Variants in PDE1C observed in about 807,000 individuals in gnomAD.
PDE1C encodes phosphodiesterase 1C.
In PDE1C, 62 loss-of-function variants were observed where a neutral mutation model predicts 93.1. That is an observed-to-expected ratio of 0.67 (90% CI 0.54 to 0.82). The LOEUF (loss-of-function observed/expected upper bound fraction) is 0.82, where lower values mean the gene tolerates loss of function less well. Among genes scored for constraint, PDE1C ranks in the 40% least tolerant of loss-of-function variants. The pLI is 0.00. For synonymous variants in PDE1C, 325 were observed against 310.1 expected (o/e 1.05, Z -0.50); for missense variants, 742 against 884.6 (o/e 0.84, Z 2.04).
In PDE1C at chr7:31,837,984, A is replaced by T. The variant is rs752580464; in HGVS notation, c.981-13T>A. The T allele has an allele frequency of 6.4e-7, 1 of 1,552,560 alleles. No homozygotes were observed. Among genetic ancestry groups the T allele is most frequent in the South Asian group, 1.1e-5 (1 of 88,910 alleles). The stretch of plus-strand genomic sequence containing the variant: ...GGTTCGAAACTCCCTTTTAGAGACA[A>T]CCATGGAGAAAAAAGGATGGAAGTC... On this transcript the variant is annotated splice_polypyrimidine_tract_variant and intron_variant, in intron 9 of 17. Coordinates refer to ENST00000396191, the MANE Select transcript of PDE1C (RefSeq NM_001191057.4).
the PDE1C span, among the ~76,000 whole-genome samples, chr7:31,628,241 C>T: frequency 6.6e-6 from 1 of 152,100 alleles, no homozygotes; most frequent in Non-Finnish European, 1.5e-5. Context: ...ACCGGTGCCT[C>T]CCATTGATGG....
the PDE1C span, among the ~76,000 whole-genome samples, chr7:31,666,332 T>C: frequency 1.3e-5 from 2 of 152,220 alleles, no homozygotes; most frequent in Non-Finnish European, 2.9e-5. Context: ...CATTTGTCTT[T>C]CACTCATCAT....
At chr7:31,733,136 G>C in the PDE1C span, among the ~76,000 whole-genome samples, 1 of 152,180 alleles carries the variant, frequency 6.6e-6, no homozygotes, top group African/African-American at 2.4e-5. Context: ...ATGGACTTAT[G>C]GTGCCTAGGT....
intron 2 of PDE1C, among the ~76,000 whole-genome samples, chr7:31,913,154 G>T (rs1189090481): frequency 6.6e-6 from 1 of 152,072 alleles, no homozygotes; most frequent in Non-Finnish European, 1.5e-5. Context: ...GGTGGTACAG[G>T]TTCATTATCA....
chr7:32,425,660 G>C (rs1023074001), intron 1 of PDE1C, among the ~76,000 whole-genome samples: 2 of 152,116 alleles, frequency 1.3e-5, no homozygotes, highest in African/African-American at 4.8e-5. Flanking sequence ...GCCCAAACCG[G>C]TGAAAGCAGA....
rs1239239803 is a variant in PDE1C at position 31,837,166 on chromosome 7, G to C, written c.1203+14C>G. On this transcript the variant is annotated intron_variant, in intron 11 of 17. Coordinates refer to ENST00000396191, the MANE Select transcript of PDE1C (RefSeq NM_001191057.4). Reference sequence around the variant, plus strand: ...AATGATGACAGTCCTGATGGAGAGAGAGCAACAAGGTACCTGTCTGAAGAA... The same window carrying C: ...AATGATGACAGTCCTGATGGAGAGACAGCAACAAGGTACCTGTCTGAAGAA... 5.6e-6 allele frequency: 9 copies of C among 1,611,052 alleles called. No individual in the cohort carries two copies. The highest frequency in any genetic ancestry group is 1.7e-4 in the Middle Eastern group (1 of 6,044).
intron 2 of PDE1C, among the ~76,000 whole-genome samples, chr7:32,014,271 A>G (rs972221295): frequency 6.7e-6 from 1 of 148,292 alleles, no homozygotes; most frequent in African/African-American, 2.5e-5. Context: ...GTAAGAAGAT[A>G]GTCTGAAAAC....
chr7:32,402,915 T>C (rs1784977363), intron 1 of PDE1C, among the ~76,000 whole-genome samples: 1 of 152,158 alleles, frequency 6.6e-6, no homozygotes. Flanking sequence ...GAAAGTGCTA[T>C]GAGAAGGTGC....
At chr7:31,708,235 GA>G in the PDE1C span, 1 of 152,318 alleles carries the variant, frequency 6.6e-6, no homozygotes, top group African/African-American at 2.4e-5. Flanking sequence ...ATGCCCAGGG[GA>G]AGGCATACAG....
intron 2 of PDE1C, among the ~76,000 whole-genome samples, chr7:31,965,313 A>G (rs1380703154): frequency 1.3e-5 from 2 of 152,276 alleles, no homozygotes; most frequent in Non-Finnish European, 2.9e-5. Context: ...TGACGAACGC[A>G]CAAGCCTCAG....
intron 1 of PDE1C, among the ~76,000 whole-genome samples, chr7:32,374,441 A>T (rs939801541): frequency 2.0e-5 from 3 of 152,238 alleles, no homozygotes; most frequent in African/African-American, 7.2e-5. Flanking sequence ...GTTTGCTGGA[A>T]CATTCACACT....
At chr7:32,213,261 T>TCCTTCAA (rs1806183303) in intron 1 of PDE1C, among the ~76,000 whole-genome samples, 3 of 152,134 alleles carry the variant, frequency 2.0e-5, no homozygotes, top group African/African-American at 7.2e-5. Context: ...ATTACTGGCT[T>TCCTTCAA]CCTTCAAATT....
intron 3 of PDE1C, among the ~76,000 whole-genome samples, chr7:32,127,075 C>G (rs1198271420): frequency 1.3e-4 from 20 of 152,296 alleles, no homozygotes; most frequent in Admixed American, 1.3e-3. Context: ...ACAAAAAAGG[C>G]TGTCAATCCT....
At chr7:31,746,482 G>A (rs371954197), downstream of PDE1C, among the ~76,000 whole-genome samples, 14 of 152,308 alleles carry the variant, frequency 9.2e-5, no homozygotes, top group East Asian at 1.5e-3. Flanking sequence ...GTACAGGACT[G>A]AGAGAGTGAC....
At chr7:32,043,936 C>T (rs570893226) in intron 2 of PDE1C, among the ~76,000 whole-genome samples, 5 of 152,280 alleles carry the variant, frequency 3.3e-5, no homozygotes, top group Non-Finnish European at 4.4e-5. Context: ...AACTTATTTA[C>T]CCAGAGTTCC....
At chr7:31,809,907 G>A (rs1368711866) in intron 15 of PDE1C, among the ~76,000 whole-genome samples, 3 of 152,082 alleles carry the variant, frequency 2.0e-5, no homozygotes, top group African/African-American at 7.2e-5. Context: ...TTCTTCAAGA[G>A]TAGCATTCAG....
intron 2 of PDE1C, among the ~76,000 whole-genome samples, chr7:31,982,163 C>A (rs564638541): frequency 6.6e-6 from 1 of 152,282 alleles, no homozygotes; most frequent in African/African-American, 2.4e-5. Context: ...AACAGCGACC[C>A]AGGAATCGTT....
chr7:32,354,479 A>G (rs1325738331), intron 1 of PDE1C, among the ~76,000 whole-genome samples: 1 of 152,172 alleles, frequency 6.6e-6, no homozygotes. Flanking sequence ...AAATTTTTTA[A>G]TATTAACTGA....
chr7:32,195,422 C>A (rs1804542347), intron 2 of PDE1C, among the ~76,000 whole-genome samples: 1 of 152,142 alleles, frequency 6.6e-6, no homozygotes, highest in African/African-American at 2.4e-5. Context: ...ACAGTTCTAC[C>A]CTTTTAGCAC....
Sources: gnomAD v4.1 joint callset for allele counts (sites outside exome capture counted in the v4.1 genomes callset) on GRCh38, gnomAD v4.1.1 for gene constraint, MANE v1.5 for transcripts, NCBI Gene and HGNC (gene_info 2026-07-23, HGNC 2026-07-21) for gene names.